CDYL: variants seen among roughly 807,000 people sequenced by gnomAD.
CDYL encodes chromodomain Y-like protein.
In CDYL, 8 loss-of-function variants were observed where a neutral mutation model predicts 47.3. The observed-to-expected ratio is 0.17, with a 90% confidence interval of 0.10 to 0.31. The LOEUF is 0.31. Among genes scored for constraint, CDYL ranks in the 10% least tolerant of loss-of-function variants. CDYL has a pLI of 1.00. For synonymous variants in CDYL, 266 were observed against 265.0 expected (o/e 1.00, Z -0.04); for missense variants, 471 against 701.4 (o/e 0.67, Z 3.71).
At chr6:4,790,041 G>C (rs745419746) in intron 1 of CDYL, among the ~76,000 whole-genome samples, 12 of 152,122 alleles carry the variant, frequency 7.9e-5, no homozygotes, top group Non-Finnish European at 1.5e-5. Context: ...ATCCTGTCAG[G>C]GTTTTGCTAG....
intron 1 of CDYL, among the ~76,000 whole-genome samples, chr6:4,838,810 G>C (rs58992102): frequency 6.6e-6 from 1 of 151,798 alleles, no homozygotes; most frequent in Non-Finnish European, 1.5e-5. Context: ...CCTCAGCCTC[G>C]TGAGTTTCTG....
intron 4 of CDYL, among the ~76,000 whole-genome samples, chr6:4,939,854 C>T (rs1758310450): frequency 6.6e-6 from 1 of 152,210 alleles, no homozygotes; most frequent in African/African-American, 2.4e-5. Flanking sequence ...GCTGAATGTA[C>T]ACATAATATT....
At chr6:4,874,715 G>T (rs910799977) in intron 1 of CDYL, among the ~76,000 whole-genome samples, 5 of 152,084 alleles carry the variant, frequency 3.3e-5, no homozygotes, top group African/African-American at 9.7e-5. Flanking sequence ...AGTTTCTCTG[G>T]GCTCCCATCG....
chr6:4,877,967 C>T (rs1761663643), intron 1 of CDYL, among the ~76,000 whole-genome samples: 1 of 152,100 alleles, frequency 6.6e-6, no homozygotes, highest in African/African-American at 2.4e-5. Flanking sequence ...CATGGACTGT[C>T]TTTACATTCA....
chr6:4,719,751 T>C (rs920394206), intron 2 of CDYL, among the ~76,000 whole-genome samples: 2 of 152,168 alleles, frequency 1.3e-5, no homozygotes, highest in Admixed American at 1.3e-4. Context: ...CCACCTATAA[T>C]GAGAGATCTT....
intron 1 of CDYL, among the ~76,000 whole-genome samples, chr6:4,877,741 A>G (rs1484489987): frequency 6.6e-6 from 1 of 152,190 alleles, no homozygotes; most frequent in Non-Finnish European, 1.5e-5. Context: ...TTATGATGTT[A>G]TATCTTGAAA....
chr6:4,713,803 G>T (rs919170042), intron 1 of CDYL, among the ~76,000 whole-genome samples: 7 of 152,100 alleles, frequency 4.6e-5, no homozygotes, highest in Non-Finnish European at 8.8e-5. Context: ...GGCCAGGCCG[G>T]TCTCAAACTC....
intron 3 of CDYL, among the ~76,000 whole-genome samples, chr6:4,743,768 A>T (rs1421913679): frequency 6.6e-6 from 1 of 152,220 alleles, no homozygotes; most frequent in Non-Finnish European, 1.5e-5. Context: ...AAAACAGGAA[A>T]ATGCAAAATA....
At chr6:4,914,168 C>G (rs1483241804) in intron 2 of CDYL, among the ~76,000 whole-genome samples, 1 of 149,668 alleles carries the variant, frequency 6.7e-6, no homozygotes, top group Non-Finnish European at 1.5e-5. Flanking sequence ...TGAAGTGTTT[C>G]ATGATTTTTT....
At chr6:4,895,555 G>GTA (rs1246247063) in intron 2 of CDYL, among the ~76,000 whole-genome samples, 8 of 151,142 alleles carry the variant, frequency 5.3e-5, no homozygotes, top group African/African-American at 7.3e-5. Context: ...ATGTGTGTGT[G>GTA]TATATATATA....
intron 1 of CDYL, among the ~76,000 whole-genome samples, chr6:4,853,149 A>G (rs571836016): frequency 2.5e-4 from 38 of 152,100 alleles, no homozygotes; most frequent in Non-Finnish European, 4.9e-4. Flanking sequence ...TTTTTGACAC[A>G]GTAAGGTAGC....
At chr6:4,758,867 T>C (rs1401372273) in intron 3 of CDYL, among the ~76,000 whole-genome samples, 5 of 151,998 alleles carry the variant, frequency 3.3e-5, no homozygotes, top group Non-Finnish European at 7.4e-5. Context: ...CTTTAAAATA[T>C]GTAATATATT....
At chr6:4,760,674 A>G (rs1221906525) in intron 3 of CDYL, among the ~76,000 whole-genome samples, 5 of 152,210 alleles carry the variant, frequency 3.3e-5, no homozygotes, top group African/African-American at 1.2e-4. Context: ...GACCTACGCT[A>G]TGAGGAAATT....
intron 2 of CDYL, among the ~76,000 whole-genome samples, chr6:4,727,725 TG>T (rs1291936358): frequency 6.6e-6 from 1 of 152,086 alleles, no homozygotes; most frequent in African/African-American, 2.4e-5. Flanking sequence ...AGCTGCCCTT[TG>T]GGGTGGGATG....
chr6:4,787,749 G>A (rs1190086567), intron 1 of CDYL, among the ~76,000 whole-genome samples: 1 of 147,018 alleles, frequency 6.8e-6, no homozygotes, highest in East Asian at 2.0e-4. Context: ...CGGACAGGCT[G>A]CTCTGAAATT....
chr6:4,910,739 A>C (rs538043975), intron 2 of CDYL, among the ~76,000 whole-genome samples: 116 of 152,304 alleles, frequency 7.6e-4, no homozygotes, highest in African/African-American at 2.7e-3. Flanking sequence ...ATAAAGCAGC[A>C]GTGTTGGAAG....
At chr6:4,777,726 A>T (rs1447883761) in intron 1 of CDYL, among the ~76,000 whole-genome samples, 1 of 152,218 alleles carries the variant, frequency 6.6e-6, no homozygotes, top group Admixed American at 6.5e-5. Context: ...TTAAGGAAGC[A>T]TCTGTAACAA....
At chr6:4,927,022 T>C (rs1463779651) in intron 2 of CDYL, among the ~76,000 whole-genome samples, 1 of 152,200 alleles carries the variant, frequency 6.6e-6, no homozygotes, top group Non-Finnish European at 1.5e-5. Context: ...TTAAAAATCT[T>C]CAGAAGCATA....
At chr6:4,944,184 AGTTTGT>A (rs1454656883) in intron 5 of CDYL, among the ~76,000 whole-genome samples, 1 of 152,152 alleles carries the variant, frequency 6.6e-6, no homozygotes, top group African/African-American at 2.4e-5. Flanking sequence ...TCATTATAGT[AGTTTGT>A]GTTTGTATTG....
Sources: allele counts gnomAD v4.1 joint callset (sites outside exome capture counted in the v4.1 genomes callset), GRCh38; gene constraint gnomAD v4.1.1; transcripts MANE v1.5; gene names NCBI Gene and HGNC (gene_info 2026-07-23, HGNC 2026-07-21).